SH3KBP1: variants seen among roughly 807,000 people sequenced by gnomAD.
SH3KBP1 encodes the protein SH3 domain-containing kinase-binding protein 1.
SH3KBP1 carries 8 observed loss-of-function variants against 50.1 expected under a neutral mutation model. The observed-to-expected ratio is 0.16, with a 90% CI of 0.09 to 0.29. SH3KBP1 has a LOEUF of 0.29. Ranked by LOEUF, SH3KBP1 falls within the 10% of genes least tolerant of loss-of-function variation. The probability of loss-of-function intolerance (pLI) is 1.00; values close to 1 mark genes in which losing one functional copy is unlikely to be tolerated. For synonymous variants in SH3KBP1, 227 were observed against 218.6 expected (o/e 1.04, Z -0.34); for missense variants, 377 against 535.2 (o/e 0.70, Z 2.92).
At chrX:19,760,041 C>CTCTCT (rs1472663912) in intron 2 of SH3KBP1, among the ~76,000 whole-genome samples, 18 of 50,452 alleles carry the variant, frequency 3.6e-4, no homozygotes, top group African/African-American at 1.4e-3. Flanking sequence ...TCTCTCTCTC[C>CTCTCT]CTCTCTCTCT....
At chrX:19,568,069 G>A (rs1401549164) in intron 13 of SH3KBP1, among the ~76,000 whole-genome samples, 1 of 111,096 alleles carries the variant, frequency 9.0e-6, no homozygotes, top group Non-Finnish European at 1.9e-5. Context: ...TGGCGGTAGA[G>A]AGCAGAAGGA....
At chrX:19,836,893 G>A (rs1207113045) in intron 1 of SH3KBP1, among the ~76,000 whole-genome samples, 1 of 111,361 alleles carries the variant, frequency 9.0e-6, no homozygotes. Flanking sequence ...GAGATCTGAT[G>A]GTTTTATAAG....
At chrX:19,626,394 G>GAATA (rs1420290826) in intron 8 of SH3KBP1, among the ~76,000 whole-genome samples, 1 of 111,258 alleles carries the variant, frequency 9.0e-6, no homozygotes, top group Non-Finnish European at 1.9e-5. Flanking sequence ...ATGAATGAAT[G>GAATA]AATGAATGAA....
rs1299558497 is a variant in SH3KBP1 at position 19,566,972 on chromosome X, T to C, written c.1384+2131A>G. On this transcript the variant is annotated intron_variant, in intron 13 of 17. Transcript: ENST00000397821. ...GCAGCAGGAGAGCAGAATGCTCATG[T>C]TGAGAGCTCTAGTGCTCTTACAAGG... Among the ~76,000 whole-genome samples the C allele has an allele frequency of 1.6e-4, 18 of 110,780 alleles. No homozygotes were observed. In the Admixed American group the frequency reaches 1.7e-3, roughly 11 times the overall value.
Position 19,637,606 on chromosome X carries a change from G to A in SH3KBP1, c.803-5648C>T, listed in dbSNP as rs187778808. ...TTCTAGGACACTGACCAGAGGAGTA[G>A]GATTGGGGTATGTTTCCCAATCAAT... On this transcript the variant is annotated intron_variant, in intron 7 of 17. Coordinates refer to ENST00000397821, the MANE Select transcript of SH3KBP1 (RefSeq NM_031892.3). Among the ~76,000 whole-genome samples the A allele has an allele frequency of 2.7e-4, 30 of 111,112 alleles. No homozygotes were observed. In the East Asian group the frequency reaches 8.5e-3, roughly 31 times the overall value.
intron 2 of SH3KBP1, among the ~76,000 whole-genome samples, chrX:19,760,060 C>CTCTT (rs2065361970): frequency 1.1e-5 from 1 of 87,691 alleles, no homozygotes; most frequent in South Asian, 4.9e-4. Context: ...CTCTCTCTCT[C>CTCTT]TCTCTCTCTC....
chrX:19,748,190 C>T (rs754832977), intron 2 of SH3KBP1, among the ~76,000 whole-genome samples: 1 of 112,169 alleles, frequency 8.9e-6, no homozygotes, highest in Non-Finnish European at 1.9e-5. Flanking sequence ...CTAGACACAA[C>T]GTGATGCAGT....
chrX:19,538,876 C>T (rs1053364619), intron 16 of SH3KBP1, among the ~76,000 whole-genome samples: 2 of 112,277 alleles, frequency 1.8e-5, no homozygotes, highest in Admixed American at 9.4e-5. Context: ...CGTAAGCCAC[C>T]GCACCTGGCC....
At chrX:19,858,607 A>G (rs1034007451) in intron 1 of SH3KBP1, among the ~76,000 whole-genome samples, 13 of 112,381 alleles carry the variant, frequency 1.2e-4, no homozygotes, top group African/African-American at 3.6e-4. Flanking sequence ...CGGCCTGGGC[A>G]ACACAGCAAA....
chrX:19,841,919 T>TG (rs59096975), intron 1 of SH3KBP1, among the ~76,000 whole-genome samples: 81 of 8,540 alleles, frequency 9.5e-3, no homozygotes, highest in Admixed American at 0.026. Flanking sequence ...GGCGGGGGGG[T>TG]GGGGGGGGGC....
At chrX:19,793,899 G>A (rs939115156) in intron 2 of SH3KBP1, among the ~76,000 whole-genome samples, 1 of 110,997 alleles carries the variant, frequency 9.0e-6, no homozygotes, top group Non-Finnish European at 1.9e-5. Flanking sequence ...TACTAGCTTG[G>A]TGACCATGGA....
At chrX:19,789,481 T>A (rs60223160) in intron 2 of SH3KBP1, among the ~76,000 whole-genome samples, 18,023 of 109,715 alleles carry the variant, frequency 0.16, 1,393 homozygotes, top group African/African-American at 0.28. Flanking sequence ...GGAATCAAGG[T>A]ACATTGGGTT....
In SH3KBP1 at chrX:19,643,316, TTTTTTA is replaced by T; in HGVS notation, c.802+2078_802+2083del. Among the ~76,000 whole-genome samples the T allele has an allele frequency of 5.8e-4, 50 of 86,731 alleles. 1 individual carries two copies. The highest frequency in any genetic ancestry group is 1.1e-3 in the African/African-American group (17 of 15,514). 75.3% of individuals were successfully genotyped at this position (86,731 alleles called of 115,157 possible). ...AACTGAAGAATTTTTTATTTTTTTTTTTTTTATTTTTTTTTTTTTTTGAGACAGGGT... is the reference window on the plus strand; with the variant it reads ...AACTGAAGAATTTTTTATTTTTTTTTTTTTTTTTTTTTTTTGAGACAGGGT... On this transcript the variant is annotated intron_variant, in intron 7 of 17. Coordinates refer to ENST00000397821, the MANE Select transcript of SH3KBP1 (RefSeq NM_031892.3).
intron 2 of SH3KBP1, among the ~76,000 whole-genome samples, chrX:19,826,643 A>G (rs2067681004): frequency 9.0e-6 from 1 of 110,789 alleles, no homozygotes; most frequent in Non-Finnish European, 1.9e-5. Flanking sequence ...TGATCATACC[A>G]CTACACTCCA....
chrX:19,570,096 A>C (rs899991128), intron 12 of SH3KBP1, among the ~76,000 whole-genome samples: 7 of 112,252 alleles, frequency 6.2e-5, no homozygotes, highest in African/African-American at 2.3e-4. Context: ...GAGTAGTACC[A>C]GATTTAGTCA....
At chrX:19,539,634 G>A (rs1006223033) in intron 16 of SH3KBP1, among the ~76,000 whole-genome samples, 2 of 111,891 alleles carry the variant, frequency 1.8e-5, no homozygotes, top group Non-Finnish European at 3.8e-5. Context: ...TCTATGAGGA[G>A]GAAGAAACAC....
At chrX:19,633,369 T>A (rs2061622954) in intron 7 of SH3KBP1, among the ~76,000 whole-genome samples, 1 of 112,062 alleles carries the variant, frequency 8.9e-6, no homozygotes, top group South Asian at 3.7e-4. Flanking sequence ...GGGGCAATAG[T>A]TCTAAATTCC....
At chrX:19,774,659 AAAGAAAGAAAGAAAGAAAGAAAGAAAG>A (rs2065909919) in intron 2 of SH3KBP1, among the ~76,000 whole-genome samples, 5 of 37,249 alleles carry the variant, frequency 1.3e-4, no homozygotes, top group African/African-American at 6.0e-4. Flanking sequence ...AAAAAAAAAG[AAAGAAAGAAAGAAAGAAAGAAAGAAAG>A]AAAGAAAGAA....
intron 6 of SH3KBP1, among the ~76,000 whole-genome samples, chrX:19,671,710 T>A (rs2062800413): frequency 8.9e-6 from 1 of 111,817 alleles, no homozygotes; most frequent in African/African-American, 3.3e-5. Flanking sequence ...CATCTCAGTT[T>A]CCTTATCTAT....
Sources: allele counts gnomAD v4.1 joint callset (sites outside exome capture counted in the v4.1 genomes callset), GRCh38; gene constraint gnomAD v4.1.1; transcripts MANE v1.5; gene names NCBI Gene and HGNC (gene_info 2026-07-23, HGNC 2026-07-21).